The following MYH3 variants were observed in gnomAD, a reference collection of about 807,000 sequenced individuals.
MYH3 encodes myosin heavy chain 3.
In MYH3, 130 loss-of-function variants were observed where a neutral mutation model predicts 238.0. That is an observed-to-expected ratio of 0.55 (90% CI 0.47 to 0.63). The LOEUF (loss-of-function observed/expected upper bound fraction) is 0.63, where lower values mean the gene tolerates loss of function less well. Among genes scored for constraint, MYH3 ranks in the 30% least tolerant of loss-of-function variants. MYH3 has a pLI of 0.00. For missense variants in MYH3, 1,853 were observed against 2,374.9 expected, an observed-to-expected ratio of 0.78 and a Z score of 4.57; for synonymous variants, 880 against 924.1, an observed-to-expected ratio of 0.95 and a Z score of 0.86.
intron 39 of MYH3, 35 bp from the exon 40 acceptor site, chr17:10,629,769 A>C (rs761915974): frequency 6.2e-7 from 1 of 1,614,196 alleles, no homozygotes; most frequent in South Asian, 1.1e-5. Flanking sequence ...TTATATCAGC[A>C]CGCGCCTCTC....
At position 10,652,459 on chromosome 17, in the gene MYH3, C is replaced by T. The variant is rs2074385785; in HGVS notation, c.309G>A (p.Leu103=). 2 of 1,613,998 alleles carry T rather than the reference C, an allele frequency of 1.2e-6. No homozygotes were observed. The highest frequency in any genetic ancestry group is 1.3e-5 in the African/African-American group (1 of 74,906). The part of the protein sequence containing the change: ...MLTHLNEPAV[L]YNLKDRYTSW... ...ATGTGTAACGGTCCTTCAGGTTGTA[C>T]AGCACGGCTGGCTCATTCAGGTGCG... Residue 103 remains leucine, a synonymous_variant, in exon 4 of 41, where the codon CTG becomes CTA. Transcript: ENST00000583535.
intron 8 of MYH3, 57 bp from the exon 9 acceptor site, chr17:10,647,483 A>G (rs1238720722): frequency 3.2e-6 from 5 of 1,569,542 alleles, no homozygotes; most frequent in African/African-American, 1.4e-5. Flanking sequence ...AATAGTTCCT[A>G]TTCATCTTAT....
the MYH3 span, among the ~76,000 whole-genome samples, chr17:10,672,178 C>T: frequency 6.6e-6 from 1 of 152,142 alleles, no homozygotes; most frequent in Non-Finnish European, 1.5e-5. Flanking sequence ...AGACTAAGAA[C>T]CTAACTTGTT....
At chr17:10,656,865 T>A (rs1464920717) in intron 1 of MYH3, among the ~76,000 whole-genome samples, 2 of 152,180 alleles carry the variant, frequency 1.3e-5, no homozygotes, top group Non-Finnish European at 2.9e-5. Context: ...ACAAGACACC[T>A]GGCAGATGTA....
Position 10,640,321 on chromosome 17 carries a change from A to G in MYH3, c.2426+12T>C, listed in dbSNP as rs753280922. The stretch of plus-strand genomic sequence containing the variant: ...CCAAAGAGCTCATGTCTGAACAAAG[A>G]CCCTGCTGGACCTCCTCTGCACCAT... On this transcript the variant is annotated intron_variant, in intron 21 of 40. Coordinates refer to ENST00000583535, the MANE Select transcript of MYH3 (RefSeq NM_002470.4). The G allele has an allele frequency of 1.9e-6, 3 of 1,614,114 alleles. No homozygotes were observed. The highest frequency in any genetic ancestry group is 1.1e-5 in the South Asian group (1 of 91,076).
chr17:10,651,626 A>G lies in MYH3; in HGVS notation c.391T>C (p.Trp131Arg). The G allele has an allele frequency of 6.2e-7, 1 of 1,614,054 alleles. No homozygotes were observed. Among genetic ancestry groups the G allele is most frequent in the Non-Finnish European group, 8.5e-7 (1 of 1,179,990 alleles). ...ACCTCGGGGTTGTACACCGGCAGCCACTTGTAGGGGTTGACAGTGACACAG... is the reference window on the plus strand; with the variant it reads ...ACCTCGGGGTTGTACACCGGCAGCCGCTTGTAGGGGTTGACAGTGACACAG... ...LFCVTVNPYK[W>R]LPVYNPEVVE... is the part of the protein sequence containing the mutation. The change falls in exon 5 of 41, where the codon TGG (tryptophan) becomes CGG (arginine). Residue 131 changes from tryptophan (W) to arginine (R), a missense_variant. Around this residue, in one of 3 missense-constraint regions of MYH3, gnomAD observed 678 missense variants for 1,058.9 expected, o/e 0.64. Transcript: ENST00000583535.
In MYH3 at chr17:10,647,334, C is replaced by T. The variant is rs771590104; in HGVS notation, c.799+29G>A. 1.8e-5 allele frequency: 29 copies of T among 1,613,668 alleles called. No individual in the cohort carries two copies. In the Middle Eastern group the frequency reaches 4.9e-4, roughly 27 times the overall value. ...AAACTGTTCCCAGTTAACTCTGAGA[C>T]GCCATCGAATCCCCATGGATCTACT... On this transcript the variant is annotated intron_variant, in intron 9 of 40. Transcript: ENST00000583535.
chr17:10,643,180 TAGA>T (rs1234538699), intron 14 of MYH3, among the ~76,000 whole-genome samples, 184 bp from the exon 15 acceptor site: 9 of 152,160 alleles, frequency 5.9e-5, no homozygotes, highest in Non-Finnish European at 1.5e-5. Context: ...AACTTCCAAT[TAGA>T]AGGTGTTTCT....
rs779584020 is a variant in MYH3 at position 10,631,567 on chromosome 17, T to C, written c.5286+44A>G. 4.3e-6 allele frequency: 7 copies of C among 1,614,080 alleles called. No individual in the cohort carries two copies. In the South Asian group the frequency reaches 4.4e-5, roughly 10 times the overall value. ...TAACTATGTGAGGGCTTTAATGCAA[T>C]GCAATCCCGGCAGCCCGAGGGCAGC... On this transcript the variant is annotated intron_variant, in intron 36 of 40. Transcript: ENST00000583535.
Position 10,634,828 on chromosome 17 carries a change from C to T in MYH3, c.4356+12G>A, listed in dbSNP as rs370377311. On this transcript the variant is annotated intron_variant, in intron 31 of 40. Transcript: ENST00000583535. Reference sequence around the variant, plus strand: ...ATCATGGCATTCACCCAGCACACAGCGGACCCCACACCTTGTCAAAGTTCC... The same window carrying T: ...ATCATGGCATTCACCCAGCACACAGTGGACCCCACACCTTGTCAAAGTTCC... 27 of 1,614,070 alleles carry T rather than the reference C, an allele frequency of 1.7e-5. No individual in the cohort carries two copies. The highest frequency in any genetic ancestry group is 1.1e-4 in the East Asian group (5 of 44,870).
rs762762286 is a variant in MYH3 at position 10,645,720 on chromosome 17, C to G, written c.1128G>C (p.Pro376=). The G allele has an allele frequency of 1.9e-6, 3 of 1,612,896 alleles. No individual in the cohort carries two copies. In the South Asian group the frequency reaches 3.3e-5, roughly 18 times the overall value. ...CTGATTTTGTACCTTCTGTGCCATC[C>G]GGCTCGGCCTGCTCCTCTCGCTGCT... The part of the protein sequence containing the change: ...KQKQREEQAE[P]DGTEVADKTA... The change falls in exon 12 of 41, where the codon CCG becomes CCC. Residue 376 remains proline, a synonymous_variant. Transcript: ENST00000583535.
At position 10,639,818 on chromosome 17, in the gene MYH3, A is replaced by C. The variant is rs376873065; in HGVS notation, c.2683-16T>G. ...TTTCGCTTTCCTTAAAAAAAAAAGA[A>C]TAATAACTTCGTTGAATGATATAAG... On this transcript the variant is annotated splice_polypyrimidine_tract_variant and intron_variant, in intron 22 of 40. Coordinates refer to ENST00000583535, the MANE Select transcript of MYH3 (RefSeq NM_002470.4). The C allele has an allele frequency of 6.2e-7, 1 of 1,613,672 alleles. No homozygotes were observed. The highest frequency in any genetic ancestry group is 1.3e-5 in the African/African-American group (1 of 75,010).
At position 10,641,159 on chromosome 17, in the gene MYH3, G is replaced by A. The variant is rs768825412; in HGVS notation, c.2091C>T (p.Asn697=). ...HSLVLHQLRC[N]GVLEGIRICR... ...AGATGCGGATGCCCTCCAGGACACC[G>A]TTACACCGCAGCTGGTGCAGAACAA... Residue 697 remains asparagine (N), a synonymous_variant, in exon 19 of 41, where the codon AAC becomes AAT. Transcript: ENST00000583535. The A allele has an allele frequency of 6.2e-6, 10 of 1,614,018 alleles. No individual in the cohort carries two copies. Among genetic ancestry groups the A allele is most frequent in the Admixed American group, 5.0e-5 (3 of 60,004 alleles).
chr17:10,657,596 G>T (rs781677172), upstream of MYH3, among the ~76,000 whole-genome samples: 12 of 152,142 alleles, frequency 7.9e-5, no homozygotes, highest in Admixed American at 6.5e-5. Context: ...GAGGAGTTGC[G>T]GGGGCAGCCA....
chr17:10,631,271 G>A (rs1488879273), intron 36 of MYH3, among the ~76,000 whole-genome samples: 3 of 152,132 alleles, frequency 2.0e-5, no homozygotes, highest in African/African-American at 4.8e-5. Context: ...GTGGGCCGCC[G>A]GGAGAAAGCC....
chr17:10,649,720 A>T (rs1283583370), intron 6 of MYH3, 35 bp from the exon 7 acceptor site: 2 of 1,598,970 alleles, frequency 1.3e-6, no homozygotes, highest in Non-Finnish European at 1.7e-6. Context: ...AGAAAGAAAC[A>T]AGTCTGTTAG....
rs199863377 is a variant in MYH3, at chr17:10,631,630, G to A, written c.5267C>T (p.Ala1756Val). Residue 1756 changes from alanine to valine, a missense_variant, in exon 36 of 41, where the codon GCC (alanine) becomes GTC (valine). Physicochemically the swap from Ala to Val is moderately conservative, Grantham distance 64. Coordinates refer to ENST00000583535, the MANE Select transcript of MYH3 (RefSeq NM_002470.4). ...CCTTACGTCCGTGATGGCCTTCTTG[G>A]CCTTCTCCTCAGCGTTCCTTGCATC... ...SRDARNAEEK[A>V]KKAITDAAMM... 19 of 1,614,010 alleles carry A rather than the reference G, an allele frequency of 1.2e-5. No homozygotes were observed. Among genetic ancestry groups the A allele is most frequent in the Non-Finnish European group, 1.6e-5 (19 of 1,180,036 alleles).
intron 7 of MYH3, 119 bp from the exon 8 acceptor site, chr17:10,648,768 C>A: frequency 1.2e-6 from 1 of 829,894 alleles, no homozygotes; most frequent in East Asian, 2.6e-5. Flanking sequence ...CTCCACCTCC[C>A]GGGTTCATGT....
chr17:10,636,011 A>G (rs983537749), intron 28 of MYH3, among the ~76,000 whole-genome samples, 158 bp from the exon 29 acceptor site: 1 of 152,124 alleles, frequency 6.6e-6, no homozygotes, highest in Non-Finnish European at 1.5e-5. Flanking sequence ...TGAAAAGGAA[A>G]CTGAAAGCAG....
Sources: gnomAD v4.1 joint callset for allele counts (sites outside exome capture counted in the v4.1 genomes callset) on GRCh38, gnomAD v4.1.1 for gene constraint, gnomAD v4.1.1 regional missense constraint, MANE v1.5 for transcripts, NCBI Gene and HGNC (gene_info 2026-07-23, HGNC 2026-07-21) for gene names.